Variants in MDGA1 observed in about 807,000 individuals in gnomAD.
MDGA1 encodes the protein MAM domain containing glycosylphosphatidylinositol anchor 1.
A neutral mutation model predicts 101.5 loss-of-function variants in MDGA1; 54 were observed. The observed-to-expected ratio is 0.53, with a 90% CI of 0.43 to 0.67. MDGA1 has a LOEUF of 0.67. MDGA1 is among the 30% of genes least tolerant of loss of function. The pLI, the probability that MDGA1 is intolerant of heterozygous loss-of-function variation, is 0.00. For missense variants in MDGA1, 1,083 were observed against 1,323.8 expected, an observed-to-expected ratio of 0.82 and a Z score of 2.82; for synonymous variants, 533 against 558.3, an observed-to-expected ratio of 0.95 and a Z score of 0.64.
chr6:37,693,430 T>C (rs754590088), intron 1 of MDGA1, among the ~76,000 whole-genome samples: 1 of 152,264 alleles, frequency 6.6e-6, no homozygotes, highest in Non-Finnish European at 1.5e-5. Context: ...GATAGTAGTT[T>C]CTGATGACAC....
chr6:37,641,235 G>T (rs1764069804), intron 14 of MDGA1, among the ~76,000 whole-genome samples: 1 of 152,184 alleles, frequency 6.6e-6, no homozygotes, highest in Non-Finnish European at 1.5e-5. Flanking sequence ...TGTCTATCTG[G>T]TGTCACAGAT....
chr6:37,674,506 A>C (rs1017628352), intron 1 of MDGA1, among the ~76,000 whole-genome samples: 2 of 152,174 alleles, frequency 1.3e-5, no homozygotes, highest in Non-Finnish European at 2.9e-5. Context: ...ATTATGTCCC[A>C]TTCCCTGGGG....
At chr6:37,673,301 G>A (rs948202885) in intron 1 of MDGA1, among the ~76,000 whole-genome samples, 17 of 152,238 alleles carry the variant, frequency 1.1e-4, no homozygotes, top group Non-Finnish European at 1.6e-4. Context: ...TCCCTCCCTC[G>A]CCGTGACACC....
intron 1 of MDGA1, among the ~76,000 whole-genome samples, chr6:37,672,656 C>T (rs1041291356): frequency 3.3e-4 from 50 of 152,172 alleles, no homozygotes; most frequent in African/African-American, 1.2e-3. Flanking sequence ...CCACCCCAGC[C>T]ACCTCCCAGA....
intron 1 of MDGA1, among the ~76,000 whole-genome samples, chr6:37,692,275 G>T (rs181341680): frequency 3.1e-4 from 47 of 152,288 alleles, no homozygotes; most frequent in South Asian, 1.4e-3. Flanking sequence ...ACCTGGGACC[G>T]TGTCAGGCTC....
In MDGA1 at chr6:37,696,988, T is replaced by C; in HGVS notation, c.-177A>G. On this transcript the variant is annotated 5_prime_UTR_variant, in exon 1 of 17. Coordinates refer to ENST00000434837, the MANE Select transcript of MDGA1 (RefSeq NM_153487.4). This position sits in a 1 kb window ranked among gnomAD's most constrained non-coding sequence, Gnocchi z 5.6. ...CGGAGGTGGCGGCGACCCGTGTTTC[T>C]CCTCCGGCGGGGCCGCTGCCCGCGT... 3.4e-6 allele frequency: 2 copies of C among 581,048 alleles called. No individual in the cohort carries two copies. Among genetic ancestry groups the C allele is most frequent in the Non-Finnish European group, 6.1e-6 (2 of 330,518 alleles). 36.0% of individuals were successfully genotyped at this position (581,048 alleles called of 1,614,324 possible). A position where few individuals can be genotyped will look rare whatever the true frequency, so the allele number is the denominator to read the frequency against.
chr6:37,664,728 C>G (rs181710011), intron 1 of MDGA1, among the ~76,000 whole-genome samples: 2 of 151,196 alleles, frequency 1.3e-5, no homozygotes, highest in East Asian at 2.0e-4. Context: ...GCTTGGCTGC[C>G]TCACTCATTC....
intron 1 of MDGA1, among the ~76,000 whole-genome samples, chr6:37,668,554 T>C (rs1005324442): frequency 2.0e-5 from 3 of 152,188 alleles, no homozygotes; most frequent in African/African-American, 7.2e-5. Context: ...GGTATCTTCA[T>C]ACAAAGGAAT....
chr6:37,647,788 T>G (rs1581851328), intron 9 of MDGA1, among the ~76,000 whole-genome samples: 24 of 134,120 alleles, frequency 1.8e-4, no homozygotes, highest in South Asian at 5.1e-4. Context: ...GGGAAGGAGG[T>G]GGGAAATGTC....
At chr6:37,678,347 G>T (rs1430561396) in intron 1 of MDGA1, among the ~76,000 whole-genome samples, 2 of 152,096 alleles carry the variant, frequency 1.3e-5, no homozygotes, top group East Asian at 3.9e-4. Context: ...CCCCTGCGAT[G>T]CCACCCTAGT....
chr6:37,644,478 C>T lies in MDGA1; in HGVS notation c.2401+19G>A, dbSNP rs1349988647. 1.3e-6 allele frequency: 2 copies of T among 1,525,218 alleles called. No homozygotes were observed. Among genetic ancestry groups the T allele is most frequent in the Admixed American group, 2.1e-5 (1 of 48,780 alleles). The allele number at this position is 1,525,218 out of a possible 1,614,324, so 94.5% of individuals were successfully genotyped here. The stretch of plus-strand genomic sequence containing the variant: ...CCCTGAAGCAATCCTCCATTTCTGG[C>T]AGCAGGCCAGGTCCTCACCCTCAGG... On this transcript the variant is annotated intron_variant, in intron 13 of 16. Coordinates refer to ENST00000434837, the MANE Select transcript of MDGA1 (RefSeq NM_153487.4).
intron 12 of MDGA1, among the ~76,000 whole-genome samples, chr6:37,645,599 C>T (rs1761172555): frequency 6.6e-6 from 1 of 152,134 alleles, no homozygotes; most frequent in Non-Finnish European, 1.5e-5. Context: ...GAATTCTATA[C>T]ATAGATTCTT....
In MDGA1 at chr6:37,658,304, C is replaced by CA; in HGVS notation, c.322dup (p.Cys108LeufsTer4). The CA allele has an allele frequency of 6.2e-7, 1 of 1,612,222 alleles. No homozygotes were observed. The highest frequency in any genetic ancestry group is 8.5e-7 in the Non-Finnish European group (1 of 1,179,358). On this transcript the variant is annotated frameshift_variant, in exon 3 of 17. Transcript: ENST00000434837. LOFTEE classifies it high-confidence loss of function. ...CACCCCCACGCCGTTCTCAGCCTTG[C>CA]AGTAGTAGCGGCCGCCCTGCGTGCG...
intron 1 of MDGA1, among the ~76,000 whole-genome samples, chr6:37,689,379 C>T (rs1762262406): frequency 1.3e-5 from 2 of 152,190 alleles, no homozygotes; most frequent in African/African-American, 2.4e-5. Context: ...CCCGATTTGT[C>T]GATATCCCCC....
chr6:37,689,530 T>C lies in MDGA1; in HGVS notation c.67+7215A>G, dbSNP rs929063978. Among the ~76,000 whole-genome samples the C allele has an allele frequency of 2.7e-4, 41 of 152,210 alleles. 1 individual carries two copies. Among genetic ancestry groups the C allele is most frequent in the Non-Finnish European group, 7.3e-5 (5 of 68,044 alleles). ...ACCGTCTCATCACAAGCCCACGCAG[T>C]GAGTACGATGATCTCCATCTGACAA... On this transcript the variant is annotated intron_variant, in intron 1 of 16. Coordinates refer to ENST00000434837, the MANE Select transcript of MDGA1 (RefSeq NM_153487.4).
At chr6:37,637,897 A>G (rs1763965960) in intron 16 of MDGA1, 1 of 520,458 alleles carries the variant, frequency 1.9e-6, no homozygotes, top group Non-Finnish European at 3.4e-6. Flanking sequence ...TGGAAGGCAC[A>G]CGTTCACCTC....
intron 1 of MDGA1, among the ~76,000 whole-genome samples, chr6:37,680,521 C>G (rs1050984965): frequency 6.6e-6 from 1 of 152,240 alleles, no homozygotes; most frequent in Non-Finnish European, 1.5e-5. Flanking sequence ...GGACTAGACA[C>G]CTGGCAGCAC....
intron 9 of MDGA1, among the ~76,000 whole-genome samples, chr6:37,647,877 G>A (rs1052230059): frequency 6.6e-6 from 1 of 152,116 alleles, no homozygotes; most frequent in Non-Finnish European, 1.5e-5. Context: ...TCCCCCTGCT[G>A]TTGAGTGAGG....
chr6:37,638,618 C>A lies in MDGA1; in HGVS notation c.2586G>T (p.Thr862=), dbSNP rs767345463. The part of the protein sequence containing the change: ...VRSRNKGALD[T]HAWSLSGNKG... ...TATTGCCACTGAGAGACCAGGCGTG[C>A]GTGTCCAGAGCCCCTTTGTTCCGGG... Residue 862 remains threonine, a synonymous_variant, in exon 15 of 17, where the codon ACG becomes ACT. Transcript: ENST00000434837. The surrounding 1 kb of genome is among the most constrained non-coding windows in gnomAD (Gnocchi z 4.8). 2.4e-5 allele frequency: 38 copies of A among 1,613,740 alleles called. No homozygotes were observed. The highest frequency in any genetic ancestry group is 3.2e-5 in the Non-Finnish European group (38 of 1,179,856).
Sources: gnomAD v4.1 joint callset for allele counts (sites outside exome capture counted in the v4.1 genomes callset) on GRCh38, gnomAD v4.1.1 for gene constraint, Gnocchi (gnomAD v3.1) non-coding constraint, MANE v1.5 for transcripts, NCBI Gene and HGNC (gene_info 2026-07-23, HGNC 2026-07-21) for gene names.